The following STXBP3 variants were observed in gnomAD, a reference collection of about 807,000 sequenced individuals.
STXBP3 encodes syntaxin-binding protein 3.
In STXBP3, 41 loss-of-function variants were observed where a neutral mutation model predicts 85.7. The observed-to-expected ratio is 0.48, with a 90% confidence interval of 0.37 to 0.62. The LOEUF (loss-of-function observed/expected upper bound fraction) is 0.62. Among genes scored for constraint, STXBP3 ranks in the 20% least tolerant of loss-of-function variants. STXBP3 has a pLI of 0.00. For synonymous variants in STXBP3, 229 were observed against 231.7 expected (o/e 0.99, Z 0.10); for missense variants, 563 against 703.1 (o/e 0.80, Z 2.25).
chr1:108,798,255 G>GT lies in STXBP3; in HGVS notation c.1449+25dup, dbSNP rs140899387. On this transcript the variant is annotated intron_variant, in intron 16 of 18. Transcript: ENST00000370008. ...TTATGGAGGTAAAAATCATTAAAATGTTTTTTTCTACCTGAGTGCCCTCTT... is the reference window on the plus strand; with the variant it reads ...TTATGGAGGTAAAAATCATTAAAATGTTTTTTTTCTACCTGAGTGCCCTCTT... 0.066 allele frequency: 103,691 copies of GT among 1,582,772 alleles called. 3,807 individuals are homozygous for GT. Among genetic ancestry groups the GT allele is most frequent in the African/African-American group, 0.11 (7,630 of 72,612 alleles).
intron 6 of STXBP3, among the ~76,000 whole-genome samples, chr1:108,763,131 G>A (rs969573932): frequency 1.3e-5 from 2 of 152,106 alleles, no homozygotes; most frequent in Admixed American, 1.3e-4. Flanking sequence ...TAAAGAAATA[G>A]GTTTACAGAT....
In STXBP3 at chr1:108,796,676, A is replaced by C; in HGVS notation, c.1306A>C (p.Ser436Arg). 6.2e-7 allele frequency: 1 copy of C among 1,613,670 alleles called. No homozygotes were observed. The highest frequency in any genetic ancestry group is 8.5e-7 in the Non-Finnish European group (1 of 1,179,832). Residue 436 changes from serine to arginine, a missense_variant, in exon 15 of 19, where the codon AGT becomes CGT. Around this residue, in one of 3 missense-constraint regions of STXBP3, gnomAD observed 494 missense variants for 592.8 expected, o/e 0.83. Coordinates refer to ENST00000370008, the MANE Select transcript of STXBP3 (RefSeq NM_007269.4). ...LIQNVKIENE[S>R]DMIRNWSYLG... ...CCAGAATGTAAAGATAGAAAATGAG[A>C]GTGACATGATTCGTAACTGGAGTTA...
intron 8 of STXBP3, among the ~76,000 whole-genome samples, chr1:108,777,683 T>C (rs914873295): frequency 2.0e-5 from 3 of 152,210 alleles, no homozygotes; most frequent in Admixed American, 6.5e-5. Context: ...TTCCACTCTT[T>C]CTGCCTGGAA....
At chr1:108,783,635 A>G (rs1477056228) in intron 11 of STXBP3, among the ~76,000 whole-genome samples, 1 of 152,054 alleles carries the variant, frequency 6.6e-6, no homozygotes, top group Non-Finnish European at 1.5e-5. Flanking sequence ...TTTTTTGTAC[A>G]TGTAATTTGG....
chr1:108,807,124 T>G lies in STXBP3; in HGVS notation c.1536-277T>G, dbSNP rs569318906. ...AAAATTAGCTGGGCATGGTGGCACA[T>G]GCCTGTAATCCTAGCTACTCGGGAG... On this transcript the variant is annotated intron_variant, in intron 17 of 18. Coordinates refer to ENST00000370008, the MANE Select transcript of STXBP3 (RefSeq NM_007269.4). Among the ~76,000 whole-genome samples, 33 of 152,202 alleles carry G rather than the reference T, an allele frequency of 2.2e-4. No homozygotes were observed. In the South Asian group the frequency reaches 6.6e-3, roughly 31 times the overall value.
intron 17 of STXBP3, among the ~76,000 whole-genome samples, chr1:108,805,153 G>A (rs1211633092): frequency 2.6e-5 from 4 of 152,140 alleles, no homozygotes; most frequent in Admixed American, 2.6e-4. Flanking sequence ...CTATTCAGAA[G>A]CTTAGAAATT....
chr1:108,805,527 C>G (rs1384716808), intron 17 of STXBP3, among the ~76,000 whole-genome samples: 3 of 150,480 alleles, frequency 2.0e-5, no homozygotes, highest in African/African-American at 7.4e-5. Flanking sequence ...CAGGTTCAAG[C>G]GATTCTTCTG....
intron 6 of STXBP3, chr1:108,767,027 C>T: frequency 2.2e-6 from 1 of 462,258 alleles, no homozygotes; most frequent in Non-Finnish European, 4.4e-6. Flanking sequence ...TGTCACCAAC[C>T]ATCACACAGT....
chr1:108,769,853 G>C (rs943417679), intron 6 of STXBP3, among the ~76,000 whole-genome samples: 1 of 152,160 alleles, frequency 6.6e-6, no homozygotes, highest in African/African-American at 2.4e-5. Context: ...TTGTTGTTTG[G>C]CTGGGGCTTT....
chr1:108,781,188 A>G (rs1272086694), intron 9 of STXBP3: 1 of 152,248 alleles, frequency 6.6e-6, no homozygotes, highest in Non-Finnish European at 1.5e-5. Context: ...GCAGCCTTAT[A>G]TAATTGAGCA....
chr1:108,778,797 G>C (rs937348917), intron 8 of STXBP3, among the ~76,000 whole-genome samples: 1 of 152,022 alleles, frequency 6.6e-6, no homozygotes, highest in Non-Finnish European at 1.5e-5. Context: ...GTTGTCCCTT[G>C]GTAAACACAG....
chr1:108,807,316 A>T, intron 17 of STXBP3, 85 bp from the exon 18 acceptor site: 37 of 1,181,524 alleles, frequency 3.1e-5, no homozygotes, highest in Non-Finnish European at 3.6e-5. Flanking sequence ...AGTTTGGTTG[A>T]GTTAGGCTTT....
rs78117910 is a variant in STXBP3 at position 108,786,944 on chromosome 1, C to T, written c.963+4238C>T. 7.2e-4 allele frequency among the ~76,000 whole-genome samples: 109 copies of T among 152,150 alleles called. No homozygotes were observed. In the East Asian group the frequency reaches 0.018, roughly 25 times the overall value. On this transcript the variant is annotated intron_variant, in intron 11 of 18. Coordinates refer to ENST00000370008, the MANE Select transcript of STXBP3 (RefSeq NM_007269.4). ...ACTTATGTAGATAGTTTATCTCAGC[C>T]GCATTTTATAATTTTCATTTTAGTG...
At chr1:108,768,997 A>C (rs1220989114) in intron 6 of STXBP3, among the ~76,000 whole-genome samples, 1 of 152,142 alleles carries the variant, frequency 6.6e-6, no homozygotes, top group Non-Finnish European at 1.5e-5. Context: ...GCAGTTGAAA[A>C]ATTTGTGTAT....
At chr1:108,797,565 G>T (rs942731054) in intron 15 of STXBP3, among the ~76,000 whole-genome samples, 2 of 150,506 alleles carry the variant, frequency 1.3e-5, no homozygotes, top group African/African-American at 4.9e-5. Context: ...CCTGCCATCC[G>T]CCCAGCTAAT....
At chr1:108,796,027 G>A (rs557611854) in intron 13 of STXBP3, among the ~76,000 whole-genome samples, 1 of 152,096 alleles carries the variant, frequency 6.6e-6, no homozygotes, top group South Asian at 2.1e-4. Flanking sequence ...CACCACGCCC[G>A]GCTAATTTTT....
intron 6 of STXBP3, 151 bp downstream of exon 6, chr1:108,760,236 C>G (rs534929772): frequency 2.0e-6 from 1 of 503,590 alleles, no homozygotes; most frequent in South Asian, 3.2e-5. Flanking sequence ...ATGATGAAGT[C>G]AGACGCGTGA....
intron 17 of STXBP3, among the ~76,000 whole-genome samples, chr1:108,804,653 G>GT (rs1005260452): frequency 1.8e-4 from 28 of 152,194 alleles, no homozygotes; most frequent in Non-Finnish European, 3.2e-4. Flanking sequence ...CAGATTAGAG[G>GT]TTTTTTCTTT....
intron 11 of STXBP3, among the ~76,000 whole-genome samples, chr1:108,790,154 G>T (rs1662946720): frequency 1.3e-5 from 2 of 151,878 alleles, no homozygotes; most frequent in South Asian, 4.2e-4. Flanking sequence ...TACCTGCTCT[G>T]TCAGTTACTA....
Sources: gnomAD v4.1 joint callset for allele counts (sites outside exome capture counted in the v4.1 genomes callset) on GRCh38, gnomAD v4.1.1 for gene constraint, gnomAD v4.1.1 regional missense constraint, MANE v1.5 for transcripts, NCBI Gene and HGNC (gene_info 2026-07-23, HGNC 2026-07-21) for gene names.